NAV2: variants seen among roughly 807,000 people sequenced by gnomAD.
The protein encoded by NAV2 is neuron navigator 2.
A neutral mutation model predicts 223.2 loss-of-function variants in NAV2; 54 were observed. That is an observed-to-expected ratio of 0.24 (90% CI 0.19 to 0.30). The LOEUF (loss-of-function observed/expected upper bound fraction) is 0.30. Among genes scored for constraint, NAV2 ranks in the 10% least tolerant of loss-of-function variants. The pLI is 1.00. For synonymous variants in NAV2, 1,279 were observed against 1,239.3 expected (o/e 1.03, Z -0.67); for missense variants, 2,806 against 3,147.5 (o/e 0.89, Z 2.60).
intron 1 of NAV2, among the ~76,000 whole-genome samples, chr11:19,594,833 C>T (rs1161885490): frequency 6.6e-6 from 1 of 152,174 alleles, no homozygotes; most frequent in Non-Finnish European, 1.5e-5. Flanking sequence ...ACAGTTCCTA[C>T]TTTGTGGACT....
intron 11 of NAV2, among the ~76,000 whole-genome samples, chr11:19,986,611 A>C (rs1298564567): frequency 1.3e-5 from 2 of 152,252 alleles, no homozygotes; most frequent in Non-Finnish European, 2.9e-5. Flanking sequence ...CCTGGGCAAC[A>C]GAGTGAGACT....
intron 5 of NAV2, chr11:19,884,504 A>G: frequency 1.4e-6 from 1 of 692,218 alleles, no homozygotes; most frequent in Non-Finnish European, 2.5e-6. Context: ...TGCTTTGGCT[A>G]ATGGTCCCAT....
chr11:19,537,991 A>G (rs1188595221), intron 1 of NAV2, among the ~76,000 whole-genome samples: 2 of 152,250 alleles, frequency 1.3e-5, no homozygotes, highest in African/African-American at 4.8e-5. Context: ...TACCAAGGTC[A>G]CATGACTGTT....
At chr11:19,351,161 G>A (rs1163641723) in intron 1 of NAV2, 1 of 852,702 alleles carries the variant, frequency 1.2e-6, no homozygotes, top group African/African-American at 1.7e-5. Context: ...GGTGGCTTGA[G>A]ATTTGCTATG....
intron 36 of NAV2, chr11:20,114,233 G>A (rs1471529785): frequency 3.2e-6 from 1 of 314,240 alleles, no homozygotes; most frequent in Non-Finnish European, 6.1e-6. Flanking sequence ...TACCATGGAT[G>A]TTGGCAAATG....
intron 1 of NAV2, among the ~76,000 whole-genome samples, chr11:19,569,416 C>T (rs2045360201): frequency 1.3e-5 from 2 of 152,218 alleles, no homozygotes; most frequent in South Asian, 4.1e-4. Context: ...TGTCTTTTCA[C>T]TGTTTTATCC....
chr11:20,034,972 C>G (rs2056208684), intron 11 of NAV2, among the ~76,000 whole-genome samples: 1 of 152,120 alleles, frequency 6.6e-6, no homozygotes, highest in South Asian at 2.1e-4. Context: ...GGGTGCAAAA[C>G]AGGACTGGGG....
chr11:19,565,915 G>T (rs1017633781), intron 1 of NAV2, among the ~76,000 whole-genome samples: 1 of 152,178 alleles, frequency 6.6e-6, no homozygotes, highest in Non-Finnish European at 1.5e-5. Context: ...TTGCGACTTC[G>T]TGTTTCTCCT....
intron 26 of NAV2, among the ~76,000 whole-genome samples, chr11:20,088,469 C>G (rs560843601): frequency 1.4e-4 from 21 of 152,160 alleles, no homozygotes; most frequent in Non-Finnish European, 2.1e-4. Context: ...GCCGCCAACC[C>G]GGGCCAAGAA....
At chr11:19,379,895 C>T (rs961901674) in intron 1 of NAV2, among the ~76,000 whole-genome samples, 33 of 152,184 alleles carry the variant, frequency 2.2e-4, no homozygotes, top group Non-Finnish European at 4.1e-4. Flanking sequence ...TTAACAGGCT[C>T]TTCCAAATCA....
chr11:19,357,704 T>C (rs1590043728), intron 1 of NAV2, among the ~76,000 whole-genome samples: 1 of 152,246 alleles, frequency 6.6e-6, no homozygotes, highest in South Asian at 2.1e-4. Flanking sequence ...TATGCACATC[T>C]TTCTAAAAGA....
At chr11:19,530,214 G>A (rs951250665) in intron 1 of NAV2, among the ~76,000 whole-genome samples, 1 of 152,192 alleles carries the variant, frequency 6.6e-6, no homozygotes, top group Non-Finnish European at 1.5e-5. Context: ...GGGGTGGGGT[G>A]TGATTGTTTC....
intron 1 of NAV2, among the ~76,000 whole-genome samples, chr11:19,364,753 C>A (rs1590057347): frequency 6.6e-6 from 1 of 152,322 alleles, no homozygotes; most frequent in East Asian, 1.9e-4. Context: ...ACATCCAGTT[C>A]TCCAAATCTA....
chr11:19,421,511 A>G (rs1372386486), intron 1 of NAV2, among the ~76,000 whole-genome samples: 3 of 152,204 alleles, frequency 2.0e-5, no homozygotes, highest in Non-Finnish European at 1.5e-5. Context: ...GAAGGAATAT[A>G]ATCAGTGCAC....
chr11:19,546,744 T>C (rs1319444818), intron 1 of NAV2, among the ~76,000 whole-genome samples: 1 of 152,228 alleles, frequency 6.6e-6, no homozygotes, highest in Non-Finnish European at 1.5e-5. Flanking sequence ...GTAACCGTTT[T>C]AGTGTTTTTA....
In NAV2 at chr11:20,062,731, G is replaced by A. The variant is rs2058783526; in HGVS notation, c.4884+372G>A. 2.0e-5 allele frequency among the ~76,000 whole-genome samples: 3 copies of A among 152,184 alleles called. No homozygotes were observed. The South Asian group carries it at 6.2e-4, about 31-fold the overall frequency. ...TTTATTTGAGACGGAGTCTCCCTCTGTTGCCCAGGCTGGAATGCAGTGGCT... is the reference window on the plus strand; with the variant it reads ...TTTATTTGAGACGGAGTCTCCCTCTATTGCCCAGGCTGGAATGCAGTGGCT... On this transcript the variant is annotated intron_variant, in intron 20 of 37. Coordinates refer to ENST00000349880, the MANE Select transcript of NAV2 (RefSeq NM_145117.5).
rs541943051 is a variant in NAV2, at chr11:19,529,244, T to C, written c.75+178217T>C. On this transcript the variant is annotated intron_variant, in intron 1 of 37. Transcript: ENST00000360655. ...GCTCTTGGAAAGCAGGAGCTGAAGT[T>C]ACTGAGTTAGTCATAAAGTTAAGAA... Among the ~76,000 whole-genome samples, 3 of 152,378 alleles carry C rather than the reference T, an allele frequency of 2.0e-5. No individual in the cohort carries two copies. The East Asian group carries it at 5.8e-4, about 29-fold the overall frequency.
rs530055447 is a variant in NAV2 at position 19,927,328 on chromosome 11, T to G, written c.932-5848T>G. 9.2e-4 allele frequency among the ~76,000 whole-genome samples: 140 copies of G among 152,324 alleles called. 1 individual carries two copies. The highest frequency in any genetic ancestry group is 3.3e-3 in the African/African-American group (138 of 41,574). On this transcript the variant is annotated intron_variant, in intron 6 of 37. Coordinates refer to ENST00000349880, the MANE Select transcript of NAV2 (RefSeq NM_145117.5). ...CAGGCGTAGTGGCTCACGCCTGTAATCCCAGCACTTTGGGAGGCCAAGGTG... is the reference window on the plus strand; with the variant it reads ...CAGGCGTAGTGGCTCACGCCTGTAAGCCCAGCACTTTGGGAGGCCAAGGTG...
intron 1 of NAV2, among the ~76,000 whole-genome samples, chr11:19,674,291 G>T (rs930243904): frequency 6.6e-6 from 1 of 152,180 alleles, no homozygotes; most frequent in Non-Finnish European, 1.5e-5. Flanking sequence ...CCACTCCAGG[G>T]TACTTATTTA....
Sources: gnomAD v4.1 joint callset for allele counts (sites outside exome capture counted in the v4.1 genomes callset) on GRCh38, gnomAD v4.1.1 for gene constraint, MANE v1.5 for transcripts, NCBI Gene and HGNC (gene_info 2026-07-23, HGNC 2026-07-21) for gene names.